The following LRRC7 variants were observed in gnomAD, a reference collection of about 807,000 sequenced individuals.
LRRC7 encodes the protein leucine rich repeat containing 7.
A neutral mutation model predicts 175.7 loss-of-function variants in LRRC7; 23 were observed. That is an observed-to-expected ratio of 0.13 (90% CI 0.09 to 0.19). The LOEUF (loss-of-function observed/expected upper bound fraction) is 0.19, where lower values mean the gene tolerates loss of function less well. Among genes scored for constraint, LRRC7 ranks in the 10% least tolerant of loss-of-function variants. The pLI is 1.00. For missense variants in LRRC7, 1,354 were observed against 1,904.7 expected, an observed-to-expected ratio of 0.71 and a Z score of 5.38; for synonymous variants, 685 against 680.9, an observed-to-expected ratio of 1.01 and a Z score of -0.09.
chr1:69,922,329 A>G (rs1338382272), intron 7 of LRRC7, among the ~76,000 whole-genome samples: 1 of 151,522 alleles, frequency 6.6e-6, no homozygotes, highest in Non-Finnish European at 1.5e-5. Flanking sequence ...ATCTCCCCTG[A>G]CTCCTCCAAA....
chr1:69,904,616 A>G (rs1646238995), intron 7 of LRRC7, among the ~76,000 whole-genome samples: 1 of 152,058 alleles, frequency 6.6e-6, no homozygotes, highest in South Asian at 2.1e-4. Flanking sequence ...TATATTTTCT[A>G]TTTCTTTTTA....
At chr1:69,764,749 A>C (rs1357432492) in intron 3 of LRRC7, among the ~76,000 whole-genome samples, 1 of 150,044 alleles carries the variant, frequency 6.7e-6, no homozygotes, top group Non-Finnish European at 1.5e-5. Flanking sequence ...AGATAGATAG[A>C]TAGATAGATA....
intron 8 of LRRC7, among the ~76,000 whole-genome samples, chr1:69,962,869 C>T (rs1266875033): frequency 1.3e-5 from 2 of 151,912 alleles, no homozygotes; most frequent in African/African-American, 2.4e-5. Context: ...AAACGACTAA[C>T]GGATGCTAAG....
intron 11 of LRRC7, among the ~76,000 whole-genome samples, chr1:70,009,299 G>A (rs1193313860): frequency 1.3e-5 from 2 of 150,516 alleles, no homozygotes; most frequent in Admixed American, 6.6e-5. Flanking sequence ...AATTTATTGA[G>A]TGCATTATAT....
chr1:70,100,953 T>C (rs1664761987), intron 25 of LRRC7, among the ~76,000 whole-genome samples: 1 of 152,180 alleles, frequency 6.6e-6, no homozygotes, highest in African/African-American at 2.4e-5. Context: ...ATCACACTTT[T>C]GATTCCTGGA....
chr1:69,858,951 T>C (rs1305286358), intron 7 of LRRC7, among the ~76,000 whole-genome samples: 2 of 152,030 alleles, frequency 1.3e-5, no homozygotes, highest in Non-Finnish European at 2.9e-5. Context: ...CAATTGCAAA[T>C]ATATACGAAC....
chr1:69,835,577 C>T (rs939853799), intron 6 of LRRC7, among the ~76,000 whole-genome samples: 2 of 151,942 alleles, frequency 1.3e-5, no homozygotes, highest in Non-Finnish European at 2.9e-5. Context: ...CTCATGCTCT[C>T]TGATAGGACT....
intron 7 of LRRC7, among the ~76,000 whole-genome samples, chr1:69,876,171 A>T (rs1211899059): frequency 6.6e-6 from 1 of 152,152 alleles, no homozygotes; most frequent in Non-Finnish European, 1.5e-5. Context: ...TAAGAATTTC[A>T]TAACTGTATT....
chr1:69,781,772 A>G (rs1227197843), intron 3 of LRRC7, among the ~76,000 whole-genome samples: 1 of 59,556 alleles, frequency 1.7e-5, no homozygotes, highest in Non-Finnish European at 3.2e-5. Flanking sequence ...AGAGAAAGAA[A>G]GAAAGAAAGA....
intron 7 of LRRC7, among the ~76,000 whole-genome samples, chr1:69,896,369 C>G (rs1427065992): frequency 1.3e-5 from 2 of 152,106 alleles, no homozygotes; most frequent in Admixed American, 1.3e-4. Flanking sequence ...TACTCATCCT[C>G]CTGATCTATC....
At chr1:70,036,100 C>G (rs1659286254) in intron 18 of LRRC7, 21 bp from the exon 19 acceptor site, 1 of 1,565,532 alleles carries the variant, frequency 6.4e-7, no homozygotes, top group Non-Finnish European at 8.7e-7. Context: ...TTTCCTTGTC[C>G]TGTATTATTA....
intron 4 of LRRC7, among the ~76,000 whole-genome samples, chr1:69,805,635 C>T (rs927761859): frequency 2.6e-5 from 4 of 151,778 alleles, no homozygotes; most frequent in African/African-American, 9.7e-5. Context: ...TCTACTTCTC[C>T]TCTGGGTTAT....
intron 8 of LRRC7, among the ~76,000 whole-genome samples, chr1:69,961,545 C>A (rs1038912834): frequency 2.6e-5 from 4 of 152,192 alleles, no homozygotes; most frequent in Non-Finnish European, 4.4e-5. Flanking sequence ...GCAGAAAGAA[C>A]AAAGCTGGAG....
intron 1 of LRRC7, among the ~76,000 whole-genome samples, chr1:69,625,703 A>T (rs1010349415): frequency 2.0e-5 from 3 of 152,050 alleles, no homozygotes; most frequent in Non-Finnish European, 4.4e-5. Context: ...TAGCATTTCC[A>T]TTATTGTTGT....
chr1:69,682,697 C>G (rs1435454746), intron 2 of LRRC7, among the ~76,000 whole-genome samples: 1 of 152,030 alleles, frequency 6.6e-6, no homozygotes, highest in African/African-American at 2.4e-5. Flanking sequence ...TCTTGGATTT[C>G]CCAGCTTCCA....
intron 2 of LRRC7, among the ~76,000 whole-genome samples, chr1:69,709,099 T>C (rs1332168272): frequency 2.6e-5 from 4 of 152,254 alleles, no homozygotes; most frequent in Non-Finnish European, 5.9e-5. Context: ...ACTATTTGAT[T>C]AGTGTCTGTC....
intron 11 of LRRC7, among the ~76,000 whole-genome samples, chr1:70,009,776 A>G (rs1230311256): frequency 2.0e-5 from 3 of 152,238 alleles, no homozygotes; most frequent in African/African-American, 4.8e-5. Context: ...GCTGTGTTTC[A>G]CCACAACTCA....
At position 70,136,499 on chromosome 1, in the gene LRRC7, A is replaced by C. The variant is rs982622443; in HGVS notation, c.*14612A>C. Among the ~76,000 whole-genome samples, 1 of 152,198 alleles carries C rather than the reference A, an allele frequency of 6.6e-6. No homozygotes were observed. The highest frequency in any genetic ancestry group is 6.5e-5 in the Admixed American group (1 of 15,282). ...TTTAATCAACAAATGTTAATGAACA[A>C]GGGGTTATGTTCAAAATTCTATTAT... On this transcript the variant is annotated 3_prime_UTR_variant, in exon 27 of 27. Coordinates refer to ENST00000651989, the MANE Select transcript of LRRC7 (RefSeq NM_001370785.2).
chr1:70,027,145 A>G (rs1658204684), intron 17 of LRRC7, among the ~76,000 whole-genome samples: 1 of 151,986 alleles, frequency 6.6e-6, no homozygotes, highest in Non-Finnish European at 1.5e-5. Flanking sequence ...CATACCTACC[A>G]CAATCACATA....
Sources: allele counts gnomAD v4.1 joint callset (sites outside exome capture counted in the v4.1 genomes callset), GRCh38; gene constraint gnomAD v4.1.1; transcripts MANE v1.5; gene names NCBI Gene and HGNC (gene_info 2026-07-23, HGNC 2026-07-21).